DOCK1: variants seen among roughly 807,000 people sequenced by gnomAD.
DOCK1 encodes dedicator of cytokinesis protein 1.
Under a neutral mutation model 262.7 loss-of-function variants are expected in DOCK1, and 138 were observed. That is an observed-to-expected ratio of 0.53 (90% CI 0.46 to 0.61). DOCK1 has a LOEUF of 0.61. DOCK1 is among the 20% of genes least tolerant of loss of function. DOCK1 has a pLI of 0.00. For synonymous variants in DOCK1, 866 were observed against 867.4 expected (o/e 1.00, Z 0.03); for missense variants, 1,908 against 2,370.7 (o/e 0.80, Z 4.05).
At chr10:127,258,827 T>C (rs1190497546) in intron 29 of DOCK1, among the ~76,000 whole-genome samples, 13 of 152,232 alleles carry the variant, frequency 8.5e-5, no homozygotes, top group Admixed American at 8.5e-4. Context: ...TGCTGATAGG[T>C]GTGTAGTGTA....
intron 2 of DOCK1, 49 bp from the exon 3 acceptor site, chr10:126,977,899 C>T (rs943629801): frequency 4.4e-6 from 7 of 1,585,184 alleles, no homozygotes; most frequent in African/African-American, 2.7e-5. Flanking sequence ...ATTGTGAGGA[C>T]CCTAACATGT....
intron 27 of DOCK1, among the ~76,000 whole-genome samples, chr10:127,223,794 A>G (rs2058530740): frequency 6.6e-6 from 1 of 152,154 alleles, no homozygotes; most frequent in Non-Finnish European, 1.5e-5. Context: ...TGGCCTTTTT[A>G]GGCCTTAGCA....
chr10:127,053,465 A>G (rs1268895949), intron 22 of DOCK1, among the ~76,000 whole-genome samples: 2 of 152,218 alleles, frequency 1.3e-5, no homozygotes, highest in African/African-American at 4.8e-5. Flanking sequence ...TCATTTCGGG[A>G]GAACTCTTCC....
chr10:127,319,571 G>T (rs373112623), intron 29 of DOCK1, among the ~76,000 whole-genome samples: 1 of 152,158 alleles, frequency 6.6e-6, no homozygotes. Flanking sequence ...CCATCACTGT[G>T]GCCATATTCG....
intron 23 of DOCK1, among the ~76,000 whole-genome samples, chr10:127,066,451 A>G (rs1043174900): frequency 5.3e-5 from 8 of 152,010 alleles, no homozygotes; most frequent in African/African-American, 1.5e-4. Flanking sequence ...CCATCTGGTG[A>G]TGACTTGCTG....
intron 46 of DOCK1, among the ~76,000 whole-genome samples, chr10:127,423,175 G>A (rs2068611235): frequency 6.6e-6 from 1 of 152,166 alleles, no homozygotes; most frequent in Admixed American, 6.5e-5. Context: ...TTAAAAATAA[G>A]AAGTTTGAAT....
At chr10:127,450,462 G>C (rs1346131516) in intron 51 of DOCK1, among the ~76,000 whole-genome samples, 1 of 152,076 alleles carries the variant, frequency 6.6e-6, no homozygotes, top group African/African-American at 2.4e-5. Flanking sequence ...TCATTCATTT[G>C]TTTACTTACC....
At position 127,409,545 on chromosome 10, in the gene DOCK1, A is replaced by G. The variant is rs887861104; in HGVS notation, c.4343+154A>G. 8.5e-5 allele frequency among the ~76,000 whole-genome samples: 13 copies of G among 152,272 alleles called. 2 individuals are homozygous for G. The highest frequency in any genetic ancestry group is 8.5e-4 in the Admixed American group (13 of 15,296). On this transcript the variant is annotated intron_variant, in intron 42 of 51. Coordinates refer to ENST00000623213, the MANE Select transcript of DOCK1 (RefSeq NM_001290223.2). ...CCTCTTTGAAGAGCAAGGGAAGCTA[A>G]TTATTTTCAGCATCCAAAAAAAGTG...
intron 23 of DOCK1, among the ~76,000 whole-genome samples, chr10:127,090,076 C>A (rs2047426428): frequency 6.6e-6 from 1 of 152,280 alleles, no homozygotes; most frequent in Non-Finnish European, 1.5e-5. Flanking sequence ...GGCGGCAGTT[C>A]TGGACAGTGA....
At chr10:127,409,600 C>T (rs1208919061) in intron 42 of DOCK1, among the ~76,000 whole-genome samples, 2 of 152,160 alleles carry the variant, frequency 1.3e-5, no homozygotes, top group East Asian at 1.9e-4. Flanking sequence ...GTGCTGGGAG[C>T]GTGCAAAGCC....
At chr10:127,168,910 A>G (rs2133803721) in intron 27 of DOCK1, among the ~76,000 whole-genome samples, 1 of 152,248 alleles carries the variant, frequency 6.6e-6, no homozygotes, top group South Asian at 2.1e-4. Context: ...GTGATGCAGT[A>G]TTTATTCTGT....
At chr10:126,946,036 C>G (rs1316129748) in intron 1 of DOCK1, among the ~76,000 whole-genome samples, 1 of 152,176 alleles carries the variant, frequency 6.6e-6, no homozygotes, top group Non-Finnish European at 1.5e-5. Context: ...ACATACCATG[C>G]AGGGTATCCA....
chr10:127,044,517 C>A (rs1350648097), intron 21 of DOCK1, among the ~76,000 whole-genome samples: 1 of 152,164 alleles, frequency 6.6e-6, no homozygotes, highest in Non-Finnish European at 1.5e-5. Flanking sequence ...GGGTGCATTG[C>A]AGGGCACTTT....
chr10:127,275,614 C>T (rs535972536), intron 29 of DOCK1, among the ~76,000 whole-genome samples: 3 of 152,066 alleles, frequency 2.0e-5, no homozygotes, highest in African/African-American at 7.2e-5. Context: ...AAGGTGGAAA[C>T]GCTGGGATGG....
chr10:127,352,086 T>C (rs2063905418), intron 31 of DOCK1, among the ~76,000 whole-genome samples: 2 of 150,710 alleles, frequency 1.3e-5, no homozygotes, highest in South Asian at 4.2e-4. Context: ...GTAAAGTCTA[T>C]CTGAGAATGG....
intron 23 of DOCK1, among the ~76,000 whole-genome samples, chr10:127,089,224 G>C (rs1298348189): frequency 1.3e-5 from 2 of 152,094 alleles, no homozygotes; most frequent in African/African-American, 2.4e-5. Flanking sequence ...TGCTCCTGTT[G>C]GCCTTCTTGT....
chr10:127,018,646 T>C, intron 12 of DOCK1, 64 bp from the exon 13 acceptor site: 1 of 1,608,942 alleles, frequency 6.2e-7, no homozygotes, highest in Non-Finnish European at 8.5e-7. Flanking sequence ...GAAATTGGTT[T>C]CGTGAAAACT....
chr10:127,406,869 T>C (rs534286852), intron 40 of DOCK1, among the ~76,000 whole-genome samples: 1 of 152,308 alleles, frequency 6.6e-6, no homozygotes, highest in African/African-American at 2.4e-5. Flanking sequence ...TGTTTTCTCA[T>C]GTAAAGCATA....
intron 29 of DOCK1, among the ~76,000 whole-genome samples, chr10:127,312,825 CCTT>C (rs1382588682): frequency 4.7e-5 from 7 of 148,784 alleles, no homozygotes; most frequent in African/African-American, 1.5e-4. Context: ...CTCCTTCCCT[CCTT>C]CTCTCCCTCC....
Sources: gnomAD v4.1 joint callset for allele counts (sites outside exome capture counted in the v4.1 genomes callset) on GRCh38, gnomAD v4.1.1 for gene constraint, MANE v1.5 for transcripts, NCBI Gene and HGNC (gene_info 2026-07-23, HGNC 2026-07-21) for gene names.